DIPK1A: variants seen among roughly 807,000 people sequenced by gnomAD.
DIPK1A encodes divergent protein kinase domain 1A.
In DIPK1A, 27 loss-of-function variants were observed where a neutral mutation model predicts 40.8. The ratio of observed to expected loss-of-function variants is 0.66; its 90% CI spans 0.49 to 0.91. The LOEUF is 0.91. Ranked by LOEUF, DIPK1A falls within the 40% of genes least tolerant of loss-of-function variation. The pLI, the probability that DIPK1A is intolerant of heterozygous loss-of-function variation, is 0.00. For missense variants in DIPK1A, 412 were observed against 505.7 expected, an observed-to-expected ratio of 0.81 and a Z score of 1.78; for synonymous variants, 166 against 171.3, an observed-to-expected ratio of 0.97 and a Z score of 0.24.
intron 2 of DIPK1A, among the ~76,000 whole-genome samples, chr1:92,871,479 A>G (rs1647858192): frequency 6.6e-6 from 1 of 151,868 alleles, no homozygotes; most frequent in South Asian, 2.1e-4. Context: ...TTATTCTTTT[A>G]TTATTCCATT....
At chr1:92,960,383 T>C (rs1652023085) in intron 1 of DIPK1A, among the ~76,000 whole-genome samples, 3 of 152,276 alleles carry the variant, frequency 2.0e-5, no homozygotes, top group South Asian at 4.1e-4. Flanking sequence ...CATCTACCTC[T>C]TGGCCTTTTA....
intron 1 of DIPK1A, among the ~76,000 whole-genome samples, chr1:92,953,773 G>A (rs774051633): frequency 2.9e-4 from 44 of 152,284 alleles, no homozygotes; most frequent in Middle Eastern, 3.4e-3. Flanking sequence ...GTAGAGTTTC[G>A]ACTTTGCAGG....
At chr1:92,871,487 A>AT (rs1647858872) in intron 2 of DIPK1A, among the ~76,000 whole-genome samples, 1 of 150,638 alleles carries the variant, frequency 6.6e-6, no homozygotes, top group Admixed American at 6.7e-5. Flanking sequence ...TTATTATTCC[A>AT]TTTTTTCTAT....
At chr1:92,862,673 C>A (rs1177101579) in intron 2 of DIPK1A, among the ~76,000 whole-genome samples, 2 of 152,186 alleles carry the variant, frequency 1.3e-5, no homozygotes, top group African/African-American at 4.8e-5. Context: ...CACTTCCCTG[C>A]TTAAAAACTT....
At chr1:92,836,171 AC>A in intron 4 of DIPK1A, 1 of 1,605,642 alleles carries the variant, frequency 6.2e-7, no homozygotes, top group Non-Finnish European at 8.5e-7. Context: ...ACCAGCATTT[AC>A]ATTGGTTTCT....
At chr1:92,837,573 T>A (rs1168298698), downstream of DIPK1A, 2 of 1,611,938 alleles carry the variant, frequency 1.2e-6, no homozygotes, top group Non-Finnish European at 1.7e-6. Context: ...TGGAAGAAGA[T>A]GAAGATGCTT....
intron 2 of DIPK1A, among the ~76,000 whole-genome samples, chr1:92,868,660 C>A (rs1348077583): frequency 6.6e-6 from 1 of 151,972 alleles, no homozygotes; most frequent in Non-Finnish European, 1.5e-5. Flanking sequence ...TATACACATT[C>A]CACAATAAGA....
At chr1:92,899,826 GTGT>G (rs1431562778) in intron 1 of DIPK1A, among the ~76,000 whole-genome samples, 2 of 152,022 alleles carry the variant, frequency 1.3e-5, no homozygotes, top group Non-Finnish European at 2.9e-5. Flanking sequence ...TGGTCTAGTG[GTGT>G]TGAATTCCCT....
chr1:92,863,481 C>A (rs1319638858), intron 2 of DIPK1A, among the ~76,000 whole-genome samples: 1 of 147,878 alleles, frequency 6.8e-6, no homozygotes, highest in Non-Finnish European at 1.5e-5. Flanking sequence ...CCTACAATCC[C>A]AGCACTTTGG....
At chr1:92,855,292 T>C (rs137888789) in intron 2 of DIPK1A, among the ~76,000 whole-genome samples, 62 of 152,234 alleles carry the variant, frequency 4.1e-4, no homozygotes, top group African/African-American at 1.4e-3. Context: ...GTGAAAATTA[T>C]AGCAATTTCC....
In DIPK1A at chr1:92,843,625, G is replaced by T; in HGVS notation, c.1045C>A (p.Gln349Lys). The T allele has an allele frequency of 1.9e-6, 3 of 1,551,712 alleles. No individual in the cohort carries two copies. The highest frequency in any genetic ancestry group is 2.6e-6 in the Non-Finnish European group (3 of 1,146,950). The change falls in exon 5 of 5, where the codon CAG (glutamine) becomes AAG (lysine). Residue 349 changes from glutamine (Q) to lysine (K), a missense_variant. Coordinates refer to ENST00000370310, the MANE Select transcript of DIPK1A (RefSeq NM_001006605.5). ...TCTGAAGTACACTTCATTGTACTCT[G>T]ATCACAGCTAGTTCTACAATCTGTG... The part of the protein sequence containing the change: ...YGTDCRTSCD[Q>K]STMKCTSEVI...
At chr1:92,846,041 AAAG>A in intron 4 of DIPK1A, 1 of 153,768 alleles carries the variant, frequency 6.5e-6, no homozygotes, top group Non-Finnish European at 1.4e-5. Context: ...AAAAAGAAAG[AAAG>A]AAAAAAAATC....
intron 1 of DIPK1A, among the ~76,000 whole-genome samples, chr1:92,880,565 A>G (rs528315092): frequency 3.9e-4 from 60 of 152,326 alleles, no homozygotes; most frequent in African/African-American, 1.4e-3. Context: ...AACAACCAAA[A>G]TTTAGCCATT....
chr1:92,923,493 A>T (rs536375833), intron 1 of DIPK1A, among the ~76,000 whole-genome samples: 2 of 152,176 alleles, frequency 1.3e-5, no homozygotes, highest in Admixed American at 1.3e-4. Flanking sequence ...TGAATCAACT[A>T]AGGATGCTAG....
rs534436381 is a variant in DIPK1A, at chr1:92,960,299, A to G, written c.54+1077T>C. ...CATACAATTTTCAAACAAAAATGTA[A>G]GATTTACTTGCCTCATGATGGTTAC... On this transcript the variant is annotated intron_variant, in intron 1 of 4. Coordinates refer to ENST00000370310, the MANE Select transcript of DIPK1A (RefSeq NM_001006605.5). 1.6e-4 allele frequency among the ~76,000 whole-genome samples: 24 copies of G among 152,268 alleles called. 1 individual carries two copies. The South Asian group carries it at 5.0e-3, about 32-fold the overall frequency.
At chr1:92,835,890 G>A (rs920696301) in intron 4 of DIPK1A, among the ~76,000 whole-genome samples, 1 of 152,172 alleles carries the variant, frequency 6.6e-6, no homozygotes, top group South Asian at 2.1e-4. Context: ...AGGGAACATT[G>A]TAAGTATAAG....
intron 1 of DIPK1A, among the ~76,000 whole-genome samples, chr1:92,889,964 T>C (rs1648785508): frequency 6.6e-6 from 1 of 152,146 alleles, no homozygotes; most frequent in South Asian, 2.1e-4. Context: ...TTCCATTTTT[T>C]TGTGTGTCCT....
chr1:92,846,038 A>G (rs952010506), intron 4 of DIPK1A: 2 of 153,428 alleles, frequency 1.3e-5, no homozygotes, highest in African/African-American at 4.8e-5. Flanking sequence ...TAAAAAAAGA[A>G]AGAAAGAAAA....
At chr1:92,898,502 A>G (rs1162085107) in intron 1 of DIPK1A, among the ~76,000 whole-genome samples, 1 of 152,094 alleles carries the variant, frequency 6.6e-6, no homozygotes, top group Non-Finnish European at 1.5e-5. Flanking sequence ...ATCACAAAAC[A>G]TATCACCTTG....
Sources: gnomAD v4.1 joint callset for allele counts (sites outside exome capture counted in the v4.1 genomes callset) on GRCh38, gnomAD v4.1.1 for gene constraint, MANE v1.5 for transcripts, NCBI Gene and HGNC (gene_info 2026-07-23, HGNC 2026-07-21) for gene names.